Variants in SBF2 observed in about 807,000 individuals in gnomAD.
SBF2 encodes the protein myotubularin-related protein 13.
SBF2 carries 112 observed loss-of-function variants against 225.2 expected under a neutral mutation model. That is an observed-to-expected ratio of 0.50 (90% CI 0.43 to 0.58). The LOEUF is 0.58. Ranked by LOEUF, SBF2 falls within the 20% of genes least tolerant of loss-of-function variation. SBF2 has a pLI of 0.00. For synonymous variants in SBF2, 763 were observed against 773.3 expected (o/e 0.99, Z 0.22); for missense variants, 1,996 against 2,206.2 (o/e 0.90, Z 1.91).
chr11:10,133,486 G>A lies in SBF2; in HGVS notation c.141+60416C>T, dbSNP rs1208299066. Among the ~76,000 whole-genome samples the A allele has an allele frequency of 1.7e-4, 24 of 139,260 alleles. 3 individuals are homozygous for A. The highest frequency in any genetic ancestry group is 3.6e-3 in the Middle Eastern group (1 of 276). The allele number at this position is 139,260 out of a possible 152,430, so 91.4% of individuals were successfully genotyped here. On this transcript the variant is annotated intron_variant, in intron 2 of 39. Coordinates refer to ENST00000256190, the MANE Select transcript of SBF2 (RefSeq NM_030962.4). ...GCCAAGGCCCAGCGAGAAATCGAAC[G>A]CAGTGCCGGTGGGCCAGCACTGCTG...
intron 3 of SBF2, among the ~76,000 whole-genome samples, chr11:10,041,863 G>A (rs1949669001): frequency 6.7e-6 from 1 of 149,792 alleles, no homozygotes; most frequent in Middle Eastern, 3.4e-3. Context: ...CAATATCTTC[G>A]AAGTCCCCTT....
At chr11:9,873,488 AG>A (rs1046696344) in intron 17 of SBF2, among the ~76,000 whole-genome samples, 1 of 152,202 alleles carries the variant, frequency 6.6e-6, no homozygotes, top group Non-Finnish European at 1.5e-5. Context: ...AGCAGCAGCC[AG>A]GGGCTCAAGG....
intron 2 of SBF2, among the ~76,000 whole-genome samples, chr11:10,155,415 C>T (rs888901820): frequency 2.8e-4 from 42 of 151,958 alleles, no homozygotes; most frequent in African/African-American, 1.0e-3. Flanking sequence ...AAGTATGAGG[C>T]CTCCCTGGTT....
intron 31 of SBF2, 69 bp downstream of exon 31, chr11:9,808,832 T>C (rs1853998407): frequency 2.6e-6 from 3 of 1,163,430 alleles, no homozygotes; most frequent in East Asian, 5.2e-5. Context: ...AAGAGTCATC[T>C]GAAGAATTTA....
intron 6 of SBF2, among the ~76,000 whole-genome samples, chr11:10,011,722 CAAT>C (rs1280991459): frequency 6.6e-6 from 1 of 152,074 alleles, no homozygotes; most frequent in African/African-American, 2.4e-5. Flanking sequence ...AGACCCGCTG[CAAT>C]AATATTATAG....
At chr11:9,951,484 T>G (rs1201564487) in intron 16 of SBF2, among the ~76,000 whole-genome samples, 2 of 152,104 alleles carry the variant, frequency 1.3e-5, no homozygotes, top group East Asian at 3.9e-4. Context: ...GAGATGGTAA[T>G]GCAGATGAGT....
At chr11:10,201,199 T>C (rs965944617) in intron 1 of SBF2, among the ~76,000 whole-genome samples, 1 of 152,238 alleles carries the variant, frequency 6.6e-6, no homozygotes, top group East Asian at 1.9e-4. Flanking sequence ...GATCTAAAGA[T>C]ATCTGTCCAA....
At chr11:9,840,855 T>C (rs1395149501) in intron 25 of SBF2, among the ~76,000 whole-genome samples, 3 of 152,022 alleles carry the variant, frequency 2.0e-5, no homozygotes, top group African/African-American at 7.2e-5. Flanking sequence ...GGTTACAGAA[T>C]CCTTTACAAT....
chr11:10,285,680 T>C (rs1369144543), intron 1 of SBF2, among the ~76,000 whole-genome samples: 1 of 152,136 alleles, frequency 6.6e-6, no homozygotes, highest in East Asian at 1.9e-4. Context: ...CCCCAGAAAA[T>C]TCTGTAACCA....
chr11:9,939,635 A>C (rs1212277066), intron 16 of SBF2, among the ~76,000 whole-genome samples: 1 of 152,210 alleles, frequency 6.6e-6, no homozygotes, highest in Non-Finnish European at 1.5e-5. Flanking sequence ...CATTTACAAG[A>C]GCAACTGAAT....
chr11:9,841,692 CT>C (rs1184069868), intron 25 of SBF2, among the ~76,000 whole-genome samples: 1 of 152,166 alleles, frequency 6.6e-6, no homozygotes, highest in Non-Finnish European at 1.5e-5. Context: ...GCCACCATGC[CT>C]GGCTAAAATT....
intron 2 of SBF2, among the ~76,000 whole-genome samples, chr11:10,110,379 T>A (rs970559024): frequency 5.9e-5 from 9 of 152,288 alleles, no homozygotes; most frequent in East Asian, 5.8e-4. Flanking sequence ...TCAGTAGCCA[T>A]ACTAATTAAA....
chr11:10,076,248 C>A (rs1350806536), intron 2 of SBF2, among the ~76,000 whole-genome samples: 1 of 152,140 alleles, frequency 6.6e-6, no homozygotes, highest in East Asian at 1.9e-4. Flanking sequence ...AACAGGGAGA[C>A]TGTAAGAAGG....
Position 10,068,003 on chromosome 11 carries a change from A to G in SBF2, c.142-25022T>C, listed in dbSNP as rs930365443. Among the ~76,000 whole-genome samples, 5 of 152,376 alleles carry G rather than the reference A, an allele frequency of 3.3e-5. No individual in the cohort carries two copies. In the East Asian group the frequency reaches 9.6e-4, roughly 29 times the overall value. ...AAGAAACTTTAACACTTGCTCAAGA[A>G]AAGTGTAACTATTGTTAGGTGTTCT... On this transcript the variant is annotated intron_variant, in intron 2 of 39. Transcript: ENST00000256190.
intron 1 of SBF2, among the ~76,000 whole-genome samples, chr11:10,304,034 A>AC (rs1964624581): frequency 6.6e-6 from 1 of 151,760 alleles, no homozygotes; most frequent in Non-Finnish European, 1.5e-5. Context: ...CCGAGTAGGG[A>AC]CTCTGCTGCT....
intron 16 of SBF2, among the ~76,000 whole-genome samples, chr11:9,933,292 C>T (rs1175473584): frequency 6.6e-6 from 1 of 152,182 alleles, no homozygotes; most frequent in East Asian, 1.9e-4. Flanking sequence ...TTGAACTCAG[C>T]TCTGGACCAA....
At chr11:9,883,821 C>T (rs78806613) in intron 17 of SBF2, among the ~76,000 whole-genome samples, 9,396 of 151,916 alleles carry the variant, frequency 0.062, 476 homozygotes, top group East Asian at 0.28. Flanking sequence ...CTTTTAGAAC[C>T]CTAAACTTAC....
chr11:10,173,705 G>A (rs370551486), intron 2 of SBF2, among the ~76,000 whole-genome samples: 12,650 of 149,078 alleles, frequency 0.085, 784 homozygotes, highest in East Asian at 0.26. Flanking sequence ...ACCTCTGGGG[G>A]CAGGGCACAG....
chr11:9,856,670 T>C lies in SBF2; in HGVS notation c.2151A>G (p.Ala717=). The change falls in exon 19 of 40, where the codon GCA becomes GCG. Residue 717 remains alanine, a synonymous_variant. Transcript: ENST00000256190. ...TAGGCCAAAGGCGTAGTTGCTCAGC[T>C]GCCAGGTCCATTGCTGTCTTCTCCT... ...HYQEKTAMDL[A]AEQLRLWPTL... is the part of the protein sequence containing the mutation. 6.2e-7 allele frequency: 1 copy of C among 1,614,180 alleles called. No individual in the cohort carries two copies. The highest frequency in any genetic ancestry group is 8.5e-7 in the Non-Finnish European group (1 of 1,180,016).
Sources: allele counts gnomAD v4.1 joint callset (sites outside exome capture counted in the v4.1 genomes callset), GRCh38; gene constraint gnomAD v4.1.1; transcripts MANE v1.5; gene names NCBI Gene and HGNC (gene_info 2026-07-23, HGNC 2026-07-21).